KLHL32: variants seen among roughly 807,000 people sequenced by gnomAD.
KLHL32 encodes the protein kelch like family member 32.
In KLHL32, 35 loss-of-function variants were observed where a neutral mutation model predicts 64.8. The ratio of observed to expected loss-of-function variants is 0.54; its 90% CI spans 0.41 to 0.72. The LOEUF is 0.72. Among genes scored for constraint, KLHL32 ranks in the 30% least tolerant of loss-of-function variants. The probability of loss-of-function intolerance (pLI) is 0.00; values close to 1 mark genes in which losing one functional copy is unlikely to be tolerated. For missense variants in KLHL32, 589 were observed against 768.5 expected (o/e 0.77, Z 2.76); for synonymous variants, 259 against 281.0 (o/e 0.92, Z 0.78).
At chr6:97,043,434 T>TATAC (rs1445128840) in intron 4 of KLHL32, among the ~76,000 whole-genome samples, 11 of 144,888 alleles carry the variant, frequency 7.6e-5, no homozygotes, top group African/African-American at 2.5e-4. Context: ...GTATGTTGTG[T>TATAC]ATACATACCA....
chr6:96,984,926 T>G (rs1489795927), intron 3 of KLHL32, among the ~76,000 whole-genome samples: 2 of 152,192 alleles, frequency 1.3e-5, no homozygotes, highest in Non-Finnish European at 2.9e-5. Context: ...TGATCTTAGC[T>G]GGTTATTTTG....
intron 6 of KLHL32, among the ~76,000 whole-genome samples, chr6:97,103,161 G>C (rs1055174688): frequency 1.3e-5 from 2 of 151,108 alleles, no homozygotes; most frequent in African/African-American, 4.9e-5. Context: ...TACATTTAAA[G>C]ACAGTCCAGA....
At chr6:97,070,953 A>G (rs1790621068) in intron 5 of KLHL32, among the ~76,000 whole-genome samples, 1 of 152,018 alleles carries the variant, frequency 6.6e-6, no homozygotes. Flanking sequence ...TCATGGTGAA[A>G]TGTCTCTCCT....
intron 1 of KLHL32, among the ~76,000 whole-genome samples, chr6:96,947,212 AAC>A (rs1772023280): frequency 6.6e-6 from 1 of 152,184 alleles, no homozygotes. Context: ...AAATAAGGCA[AAC>A]ACCTAACTGT....
At chr6:97,138,549 AAAC>A (rs1351030365) in intron 10 of KLHL32, among the ~76,000 whole-genome samples, 2 of 150,750 alleles carry the variant, frequency 1.3e-5, no homozygotes, top group East Asian at 1.9e-4. Flanking sequence ...ACAAAAACAA[AAAC>A]AACAAAAAAA....
chr6:97,063,842 AG>A (rs1789296983), intron 4 of KLHL32, among the ~76,000 whole-genome samples: 1 of 152,208 alleles, frequency 6.6e-6, no homozygotes, highest in South Asian at 2.1e-4. Flanking sequence ...GCATCACTAA[AG>A]GCCTCCTTGC....
chr6:96,899,253 A>G, the KLHL32 span, among the ~76,000 whole-genome samples: 4 of 152,226 alleles, frequency 2.6e-5, no homozygotes, highest in Non-Finnish European at 4.4e-5. Context: ...TGAAGGTGGC[A>G]GGCTGCTCCA....
At chr6:96,993,818 A>T (rs1198988110) in intron 3 of KLHL32, among the ~76,000 whole-genome samples, 1 of 152,180 alleles carries the variant, frequency 6.6e-6, no homozygotes, top group African/African-American at 2.4e-5. Context: ...TTCCCACAGG[A>T]TGACATGAAG....
At chr6:96,986,853 A>T (rs1410803597) in intron 3 of KLHL32, among the ~76,000 whole-genome samples, 1 of 152,136 alleles carries the variant, frequency 6.6e-6, no homozygotes, top group Non-Finnish European at 1.5e-5. Flanking sequence ...GCTTCAGCTC[A>T]TGCTTGGTGC....
intron 1 of KLHL32, among the ~76,000 whole-genome samples, chr6:96,959,618 C>A (rs1055841316): frequency 2.0e-5 from 3 of 152,216 alleles, no homozygotes; most frequent in Non-Finnish European, 4.4e-5. Flanking sequence ...AAGCCCAAAT[C>A]TCCAACACAG....
intron 3 of KLHL32, chr6:96,999,477 A>G (rs905223709): frequency 3.5e-5 from 28 of 802,050 alleles, no homozygotes; most frequent in Non-Finnish European, 4.1e-5. Context: ...ATTTATTTCC[A>G]GATTGTACTC....
At chr6:97,044,140 C>A (rs1158680813) in intron 4 of KLHL32, among the ~76,000 whole-genome samples, 3 of 151,876 alleles carry the variant, frequency 2.0e-5, no homozygotes, top group Non-Finnish European at 4.4e-5. Context: ...TCAGATATGG[C>A]CTTTATTGTA....
At chr6:97,015,426 A>G (rs1024194434) in intron 3 of KLHL32, among the ~76,000 whole-genome samples, 1 of 152,184 alleles carries the variant, frequency 6.6e-6, no homozygotes, top group Admixed American at 6.5e-5. Flanking sequence ...GTAGACAGTG[A>G]AGTCCAGGCT....
At position 96,947,759 on chromosome 6, in the gene KLHL32, G is replaced by A. The variant is rs150043108; in HGVS notation, c.-65-19237G>A. On this transcript the variant is annotated intron_variant, in intron 1 of 10. Coordinates refer to ENST00000369261, the MANE Select transcript of KLHL32 (RefSeq NM_052904.4). ...TAAACTCTTATAAACATGCTGTGAG[G>A]TAAGTAGTATTATATTAATCATATT... Among the ~76,000 whole-genome samples, 383 of 152,260 alleles carry A rather than the reference G, an allele frequency of 2.5e-3. 1 individual carries two copies. Among genetic ancestry groups the A allele is most frequent in the African/African-American group, 8.8e-3 (365 of 41,548 alleles).
intron 3 of KLHL32, among the ~76,000 whole-genome samples, chr6:96,980,675 A>G (rs1776202571): frequency 6.6e-6 from 1 of 152,166 alleles, no homozygotes; most frequent in Non-Finnish European, 1.5e-5. Flanking sequence ...CTTGTCCCAT[A>G]GAAAGACATA....
At chr6:96,981,558 A>C (rs1243917093) in intron 3 of KLHL32, among the ~76,000 whole-genome samples, 1 of 151,994 alleles carries the variant, frequency 6.6e-6, no homozygotes, top group Non-Finnish European at 1.5e-5. Flanking sequence ...CCTTCAGTTC[A>C]GCATTGATTT....
rs564513538 is a variant in KLHL32 at position 97,036,106 on chromosome 6, G to A, written c.205-5386G>A. On this transcript the variant is annotated intron_variant, in intron 3 of 10. Transcript: ENST00000369261. ...TACTAATTCTTTCCTCTGCTTGATC[G>A]AGTCTGGTATTGAAGTTCTCTGTCG... Among the ~76,000 whole-genome samples, 11 of 151,940 alleles carry A rather than the reference G, an allele frequency of 7.2e-5. No individual in the cohort carries two copies. In the South Asian group the frequency reaches 1.5e-3, roughly 20 times the overall value.
In KLHL32 at chr6:96,999,009, GA is replaced by G. The variant is rs1388513849; in HGVS notation, c.204+22834del. Among the ~76,000 whole-genome samples the G allele has an allele frequency of 1.1e-4, 16 of 152,290 alleles. 1 individual carries two copies. Among genetic ancestry groups the G allele is most frequent in the African/African-American group, 3.8e-4 (16 of 41,568 alleles). ...AATTTATTACCTTGGAAGATATTAT[GA>G]AGATCCTAAGAAGAAAAAAAATTTA... On this transcript the variant is annotated intron_variant, in intron 3 of 10. Coordinates refer to ENST00000369261, the MANE Select transcript of KLHL32 (RefSeq NM_052904.4).
the KLHL32 span, among the ~76,000 whole-genome samples, chr6:96,902,388 G>A: frequency 6.6e-6 from 1 of 152,056 alleles, no homozygotes. Flanking sequence ...TTGGCTGCAT[G>A]TATGTTTTAT....
Sources: gnomAD v4.1 joint callset for allele counts (sites outside exome capture counted in the v4.1 genomes callset) on GRCh38, gnomAD v4.1.1 for gene constraint, MANE v1.5 for transcripts, NCBI Gene and HGNC (gene_info 2026-07-23, HGNC 2026-07-21) for gene names.